MED13L: variants seen among roughly 807,000 people sequenced by gnomAD.
MED13L encodes mediator complex subunit 13L, also known as mediator of RNA polymerase II transcription subunit 13-like.
Under a neutral mutation model 220.9 loss-of-function variants are expected in MED13L, and 7 were observed. The observed-to-expected ratio is 0.03, with a 90% confidence interval of 0.02 to 0.06. The LOEUF is 0.06. Ranked by LOEUF, MED13L falls within the 10% of genes least tolerant of loss-of-function variation. The probability of loss-of-function intolerance (pLI) is 1.00; values close to 1 mark genes in which losing one functional copy is unlikely to be tolerated. For synonymous variants in MED13L, 1,011 were observed against 1,015.2 expected, an observed-to-expected ratio of 1.00 and a Z score of 0.08; for missense variants, 1,965 against 2,760.5, an observed-to-expected ratio of 0.71 and a Z score of 6.46.
In MED13L at chr12:116,277,601, G is replaced by A; in HGVS notation, c.-470C>T. ...CGGGCGACCCCGGCAGCCGAGCGAC[G>A]TCCCCTCCTTCCTCTTCCTCCCCCA... is the stretch of plus-strand genomic sequence containing the variant. On this transcript the variant is annotated 5_prime_UTR_variant, in exon 1 of 31. It adds an upstream start codon to the 5' untranslated region. Transcript: ENST00000281928. 6.7e-6 allele frequency among the ~76,000 whole-genome samples: 1 copy of A among 149,368 alleles called. No individual in the cohort carries two copies.
chr12:116,240,789 A>G (rs1176755084), intron 1 of MED13L, among the ~76,000 whole-genome samples: 1 of 151,506 alleles, frequency 6.6e-6, no homozygotes, highest in Non-Finnish European at 1.5e-5. Context: ...CGCCTCCCAA[A>G]GTGCTGGGAT....
chr12:116,188,930 T>C (rs926423029), intron 2 of MED13L, among the ~76,000 whole-genome samples: 2 of 152,206 alleles, frequency 1.3e-5, no homozygotes, highest in African/African-American at 2.4e-5. Flanking sequence ...TAGTATTATA[T>C]TGTATGGATA....
intron 2 of MED13L, among the ~76,000 whole-genome samples, chr12:116,164,668 A>G (rs1879122467): frequency 6.6e-6 from 1 of 152,194 alleles, no homozygotes; most frequent in African/African-American, 2.4e-5. Context: ...TGGATTGACC[A>G]CTGACAATTA....
At chr12:116,217,506 A>G (rs893226315) in intron 2 of MED13L, among the ~76,000 whole-genome samples, 1 of 152,250 alleles carries the variant, frequency 6.6e-6, no homozygotes, top group African/African-American at 2.4e-5. Context: ...ACGTCGGCCC[A>G]TGATGACATC....
intron 3 of MED13L, among the ~76,000 whole-genome samples, chr12:116,107,234 G>A (rs1312937274): frequency 6.6e-6 from 1 of 152,222 alleles, no homozygotes; most frequent in Non-Finnish European, 1.5e-5. Context: ...GTTATCTTCT[G>A]TCTGATATCG....
intron 1 of MED13L, among the ~76,000 whole-genome samples, chr12:116,273,706 G>C (rs1377114027): frequency 2.0e-5 from 3 of 152,142 alleles, no homozygotes; most frequent in Non-Finnish European, 4.4e-5. Context: ...TCCATAGTCA[G>C]GAAGATTCTA....
chr12:116,237,622 T>C lies in MED13L; in HGVS notation c.156A>G (p.Gln52=), dbSNP rs1870212479. The C allele has an allele frequency of 6.2e-7, 1 of 1,614,182 alleles. No homozygotes were observed. Among genetic ancestry groups the C allele is most frequent in the Admixed American group, 1.7e-5 (1 of 60,020 alleles). The change falls in exon 2 of 31, where the codon CAA becomes CAG. Residue 52 remains glutamine, a synonymous_variant. Transcript: ENST00000281928. ...DCGPIISAPA[Q]DDPILLSFIR... ...TGAAACTTAACAGAATTGGATCATCTTGGGCTGGGGCTGAAATTATGGGTC... is the reference window on the plus strand; with the variant it reads ...TGAAACTTAACAGAATTGGATCATCCTGGGCTGGGGCTGAAATTATGGGTC...
chr12:116,060,274 T>C (rs1869332623), intron 4 of MED13L, among the ~76,000 whole-genome samples: 1 of 152,064 alleles, frequency 6.6e-6, no homozygotes, highest in Non-Finnish European at 1.5e-5. Flanking sequence ...AAAAAGTTAA[T>C]TTTGAAAAAT....
intron 2 of MED13L, among the ~76,000 whole-genome samples, chr12:116,134,502 CTATT>C (rs1270810727): frequency 6.6e-6 from 1 of 152,068 alleles, no homozygotes; most frequent in Non-Finnish European, 1.5e-5. Context: ...ATTCATGTAT[CTATT>C]CATTCAGCAA....
At chr12:116,094,502 G>C (rs1872506502) in intron 4 of MED13L, among the ~76,000 whole-genome samples, 1 of 152,178 alleles carries the variant, frequency 6.6e-6, no homozygotes, top group Non-Finnish European at 1.5e-5. Flanking sequence ...CAAAATGAGT[G>C]TAAAGATATA....
At chr12:116,043,715 G>A (rs1173233854) in intron 4 of MED13L, among the ~76,000 whole-genome samples, 3 of 152,146 alleles carry the variant, frequency 2.0e-5, no homozygotes, top group Non-Finnish European at 4.4e-5. Flanking sequence ...TAGATATCCA[G>A]GAATAAAGCC....
intron 4 of MED13L, among the ~76,000 whole-genome samples, chr12:116,076,275 G>A (rs961378754): frequency 2.6e-5 from 4 of 152,172 alleles, no homozygotes; most frequent in African/African-American, 9.7e-5. Flanking sequence ...GGTGGCTCAT[G>A]CCTGTAATCC....
intron 4 of MED13L, among the ~76,000 whole-genome samples, chr12:116,023,017 C>T (rs1880152474): frequency 1.3e-5 from 2 of 152,068 alleles, no homozygotes; most frequent in South Asian, 4.1e-4. Context: ...GCCCACTGAC[C>T]CAGCATAACA....
chr12:115,969,030 C>T lies in MED13L; in HGVS notation c.6135G>A (p.Gly2045=). 1.2e-6 allele frequency: 2 copies of T among 1,613,788 alleles called. No individual in the cohort carries two copies. Among genetic ancestry groups the T allele is most frequent in the African/African-American group, 2.7e-5 (2 of 74,996 alleles). The change falls in exon 28 of 31, where the codon GGG becomes GGA. Residue 2045 remains glycine (G), a synonymous_variant. Coordinates refer to ENST00000281928, the MANE Select transcript of MED13L (RefSeq NM_015335.5). The stretch of plus-strand genomic sequence containing the variant: ...AAGAGTTGGGAGAGGAATGGAGGTT[C>T]CCAGTCATTAATATGCCAATATCAT... ...MDNDIGILMT[G]NLHSSPNSSP...
intron 4 of MED13L, among the ~76,000 whole-genome samples, chr12:116,046,800 C>T (rs1315417486): frequency 1.3e-5 from 2 of 152,074 alleles, no homozygotes; most frequent in African/African-American, 4.8e-5. Context: ...AGTGAAACCC[C>T]GTCTCTACTA....
chr12:116,023,825 C>CATA (rs1247753462), intron 4 of MED13L, among the ~76,000 whole-genome samples: 1 of 151,940 alleles, frequency 6.6e-6, no homozygotes, highest in African/African-American at 2.4e-5. Flanking sequence ...CCCTTGATAC[C>CATA]ATACTTCTAA....
chr12:116,102,699 T>TTTTTC (rs1565878461), intron 3 of MED13L, among the ~76,000 whole-genome samples: 1 of 90,988 alleles, frequency 1.1e-5, no homozygotes. Context: ...TTCTTTTTCT[T>TTTTTC]TTTCTTTTTT....
intron 2 of MED13L, among the ~76,000 whole-genome samples, chr12:116,172,757 A>G (rs796463617): frequency 2.6e-5 from 4 of 152,234 alleles, no homozygotes; most frequent in African/African-American, 9.6e-5. Flanking sequence ...ATTTCATAGC[A>G]TTACGGTGAA....
At chr12:116,087,958 A>T (rs1201558797) in intron 4 of MED13L, among the ~76,000 whole-genome samples, 1 of 152,240 alleles carries the variant, frequency 6.6e-6, no homozygotes, top group Non-Finnish European at 1.5e-5. Context: ...ATCCAGTAGT[A>T]CAAAGTAGTT....
Sources: allele counts gnomAD v4.1 joint callset (sites outside exome capture counted in the v4.1 genomes callset), GRCh38; gene constraint gnomAD v4.1.1; transcripts MANE v1.5; gene names NCBI Gene and HGNC (gene_info 2026-07-23, HGNC 2026-07-21).